The following SRRT variants were observed in gnomAD, a reference collection of about 807,000 sequenced individuals.
The protein encoded by SRRT is serrate, RNA effector molecule.
SRRT carries 32 observed loss-of-function variants against 103.2 expected under a neutral mutation model. The ratio of observed to expected loss-of-function variants is 0.31; its 90% confidence interval spans 0.23 to 0.42. SRRT has a LOEUF of 0.42. SRRT is among the 10% of genes least tolerant of loss of function. SRRT has a pLI of 1.00. For synonymous variants in SRRT, 525 were observed against 449.0 expected, an observed-to-expected ratio of 1.17 and a Z score of -2.14; for missense variants, 986 against 1,207.5, an observed-to-expected ratio of 0.82 and a Z score of 2.72.
intron 2 of SRRT, among the ~76,000 whole-genome samples, chr7:100,878,693 C>T (rs1010670547): frequency 7.6e-6 from 1 of 132,182 alleles, no homozygotes; most frequent in Non-Finnish European, 1.6e-5. Flanking sequence ...AGTATGAGGC[C>T]TGATTTTCTG....
Position 100,886,670 on chromosome 7 carries a change from G to T in SRRT, c.1648-125G>T, listed in dbSNP as rs989775624. On this transcript the variant is annotated intron_variant, in intron 13 of 19. Transcript: ENST00000611405. ...CTAAAATAAAGACAAATCTCAAGGG[G>T]GCAAAAGGTGCCATTTATGTCCGGT... 5.2e-6 allele frequency: 6 copies of T among 1,154,730 alleles called. No homozygotes were observed. The African/African-American group carries it at 9.2e-5, about 18-fold the overall frequency. 71.5% of individuals were successfully genotyped at this position (1,154,730 alleles called of 1,614,324 possible).
rs1306653364 is a variant in SRRT at position 100,884,781 on chromosome 7, G to A, written c.984G>A (p.Ser328=). 9.3e-6 allele frequency: 15 copies of A among 1,614,056 alleles called. No individual in the cohort carries two copies. The highest frequency in any genetic ancestry group is 1.6e-4 in the Middle Eastern group (1 of 6,062). Residue 328 remains serine, a synonymous_variant, in exon 8 of 20, where the codon TCG becomes TCA. Transcript: ENST00000611405. The part of the protein sequence containing the change: ...DSSNDDKTKK[S]EGDGDKEEKK... ...CTAATGATGACAAAACAAAGAAGTCGGAGGGTGATGGGGACAAGGAAGAGA... is the reference window on the plus strand; with the variant it reads ...CTAATGATGACAAAACAAAGAAGTCAGAGGGTGATGGGGACAAGGAAGAGA...
rs376450923 is a variant in SRRT, at chr7:100,887,544, G to A, written c.2169+31G>A. ...GGATGTTGGAGAATGGCCGTGCTAC[G>A]GTGGTGGGAGGTGGGGTTGAGACAG... On this transcript the variant is annotated intron_variant, in intron 16 of 19. Transcript: ENST00000611405. This position sits in a 1 kb window ranked among gnomAD's most constrained non-coding sequence, Gnocchi z 4.1. 8 of 1,606,256 alleles carry A rather than the reference G, an allele frequency of 5.0e-6. No individual in the cohort carries two copies. Among genetic ancestry groups the A allele is most frequent in the South Asian group, 2.2e-5 (2 of 90,182 alleles).
At chr7:100,875,451 A>G in intron 1 of SRRT, 122 bp from the exon 2 acceptor site, 1 of 1,534,952 alleles carries the variant, frequency 6.5e-7, no homozygotes, top group Non-Finnish European at 8.8e-7. Flanking sequence ...CAGGCCTAGG[A>G]TGGTGGGGGC....
At position 100,886,569 on chromosome 7, in the gene SRRT, T is replaced by C; in HGVS notation, c.1647+134T>C. ...GCTCACTCATTTGCCCCTTCGTGTG[T>C]GGGTAGCAGCACCTCCAGATTCCAG... On this transcript the variant is annotated intron_variant, in intron 13 of 19. Coordinates refer to ENST00000611405, the MANE Select transcript of SRRT (RefSeq NM_015908.6). 3 of 1,035,838 alleles carry C rather than the reference T, an allele frequency of 2.9e-6. No individual in the cohort carries two copies. In the South Asian group the frequency reaches 4.8e-5, roughly 16 times the overall value. 64.2% of individuals were successfully genotyped at this position (1,035,838 alleles called of 1,614,324 possible). A position where few individuals can be genotyped will look rare whatever the true frequency, so the allele number is the denominator to read the frequency against.
At position 100,887,931 on chromosome 7, in the gene SRRT, CG is replaced by C. The variant is rs146863726; in HGVS notation, c.2326+73del. The C allele has an allele frequency of 1.0e-3, 1,544 of 1,550,428 alleles. 10 individuals carry two copies. In the South Asian group the frequency reaches 0.012, roughly 12 times the overall value. ...CCCAGGGACTCCTGTTTCTCTTTAA[CG>C]TGTCACCCCGAGAAGTTTCTGCCCC... On this transcript the variant is annotated intron_variant, in intron 17 of 19. Coordinates refer to ENST00000611405, the MANE Select transcript of SRRT (RefSeq NM_015908.6). This position sits in a 1 kb window ranked among gnomAD's most constrained non-coding sequence, Gnocchi z 4.1.
chr7:100,886,077 C>T, intron 12 of SRRT, 136 bp downstream of exon 12: 1 of 1,292,966 alleles, frequency 7.7e-7, no homozygotes, highest in Non-Finnish European at 1.1e-6. Context: ...TACGTTGTCT[C>T]TGGGCAAGGC....
In SRRT at chr7:100,882,437, C is replaced by T. The variant is rs1584744351; in HGVS notation, c.587+196C>T. On this transcript the variant is annotated intron_variant, in intron 5 of 19. Transcript: ENST00000611405. The surrounding 1 kb of genome is among the most constrained non-coding windows in gnomAD (Gnocchi z 4.2). ...TGCCACGGCCCCCGCCCCGCCCTGTCTCCTGTCCTGCTGTCCTCAGAGAGT... is the reference window on the plus strand; with the variant it reads ...TGCCACGGCCCCCGCCCCGCCCTGTTTCCTGTCCTGCTGTCCTCAGAGAGT... 9 of 582,298 alleles carry T rather than the reference C, an allele frequency of 1.5e-5. No homozygotes were observed. The East Asian group carries it at 2.5e-4, about 16-fold the overall frequency. The allele number at this position is 582,298 out of a possible 1,614,324, so 36.1% of individuals were successfully genotyped here.
intron 2 of SRRT, among the ~76,000 whole-genome samples, chr7:100,879,117 G>A (rs540669875): frequency 2.1e-3 from 318 of 152,090 alleles, no homozygotes; most frequent in Non-Finnish European, 4.2e-3. Context: ...CACCACGCCC[G>A]GCTAATTTTT....
rs778413443 is a variant in SRRT, at chr7:100,881,302, G to A, written c.140G>A (p.Arg47His). 5.0e-6 allele frequency: 8 copies of A among 1,611,968 alleles called. No homozygotes were observed. The highest frequency in any genetic ancestry group is 2.2e-5 in the South Asian group (2 of 91,056). The change falls in exon 3 of 20, where the codon CGT (arginine) becomes CAT (histidine). Residue 47 changes from arginine to histidine, a missense_variant. Arg to His is a conservative substitution (Grantham distance 29). Transcript: ENST00000611405. ...ACTGCCAGAGAGTGGGACCGTGGCC[G>A]TGAGCGCCGTAGTCGGGGTGAATAT... ...DWNDREWDRG[R>H]ERRSRGEYRD...
Position 100,885,739 on chromosome 7 carries a change from C to T in SRRT, c.1356C>T (p.Leu452=). Residue 452 remains leucine, a synonymous_variant, in exon 11 of 20, where the codon CTC becomes CTT. Transcript: ENST00000611405. The surrounding 1 kb of genome is among the most constrained non-coding windows in gnomAD (Gnocchi z 4.8). ...KRYPGFMRVA[L]SEPQPERRFF... ...ACCCAGGCTTTATGCGGGTGGCGCTCTCAGAGCCCCAGCCAGAGAGGAGGT... is the reference window on the plus strand; with the variant it reads ...ACCCAGGCTTTATGCGGGTGGCGCTTTCAGAGCCCCAGCCAGAGAGGAGGT... The T allele has an allele frequency of 1.9e-6, 3 of 1,613,990 alleles. No homozygotes were observed. Among genetic ancestry groups the T allele is most frequent in the South Asian group, 1.1e-5 (1 of 91,060 alleles).
rs753143858 is a variant in SRRT, at chr7:100,885,187, TCCTTCCTACCCC to T, written c.1160-18_1160-7del. ...CAATCAGTAATAAAAATGCACCAAC[TCCTTCCTACCCC>T]CCTTCCTGCCTAGAAGAAGCGCTCA... On this transcript the variant is annotated splice_polypyrimidine_tract_variant and intron_variant, in intron 9 of 19. Transcript: ENST00000611405. The surrounding 1 kb of genome is among the most constrained non-coding windows in gnomAD (Gnocchi z 4.8). 5 of 1,608,662 alleles carry T rather than the reference TCCTTCCTACCCC, an allele frequency of 3.1e-6. No individual in the cohort carries two copies. Among genetic ancestry groups the T allele is most frequent in the Non-Finnish European group, 4.2e-6 (5 of 1,176,968 alleles).
At chr7:100,876,266 C>T (rs1448516139) in intron 2 of SRRT, among the ~76,000 whole-genome samples, 1 of 152,212 alleles carries the variant, frequency 6.6e-6, no homozygotes, top group Non-Finnish European at 1.5e-5. Flanking sequence ...ATTCTCCTGC[C>T]TCAGCCTCCC....
At chr7:100,883,932 T>C (rs2115826164) in intron 5 of SRRT, 138 bp from the exon 6 acceptor site, 1 of 955,450 alleles carries the variant, frequency 1.0e-6, no homozygotes, top group South Asian at 1.9e-5. Flanking sequence ...CCCCTATCCC[T>C]TAATCTCTCT....
Position 100,887,287 on chromosome 7 carries a change from GC to G in SRRT, c.1976-31del. ...CACCATCCTTCCTTCTGGCTCCCTTGCCAACCTTCCTTCCTCTGTTCCCAAA... is the reference window on the plus strand; with the variant it reads ...CACCATCCTTCCTTCTGGCTCCCTTGCAACCTTCCTTCCTCTGTTCCCAAA... On this transcript the variant is annotated intron_variant, in intron 15 of 19. Transcript: ENST00000611405. The surrounding 1 kb of genome is among the most constrained non-coding windows in gnomAD (Gnocchi z 4.1). 1 of 1,610,378 alleles carries G rather than the reference GC, an allele frequency of 6.2e-7. No individual in the cohort carries two copies. The highest frequency in any genetic ancestry group is 8.5e-7 in the Non-Finnish European group (1 of 1,177,282).
rs745321205 is a variant in SRRT, at chr7:100,887,883, G to A, written c.2326+24G>A. On this transcript the variant is annotated intron_variant, in intron 17 of 19. Transcript: ENST00000611405. This position sits in a 1 kb window ranked among gnomAD's most constrained non-coding sequence, Gnocchi z 4.1. ...GAGTAAGATACGATCCATGAAGGTC[G>A]CATGTGCCCTCTTCCTTGACTACCC... 13 of 1,587,520 alleles carry A rather than the reference G, an allele frequency of 8.2e-6. No homozygotes were observed. Among genetic ancestry groups the A allele is most frequent in the Middle Eastern group, 1.8e-4 (1 of 5,576 alleles).
intron 5 of SRRT, 51 bp from the exon 6 acceptor site, chr7:100,884,019 C>T (rs1403350348): frequency 6.6e-7 from 1 of 1,521,238 alleles, no homozygotes; most frequent in Non-Finnish European, 8.8e-7. Context: ...CACATCCTGG[C>T]CTTGGCTTCC....
At chr7:100,877,964 C>G (rs1563010986) in intron 2 of SRRT, among the ~76,000 whole-genome samples, 2 of 152,298 alleles carry the variant, frequency 1.3e-5, no homozygotes, top group Non-Finnish European at 2.9e-5. Context: ...CCTGTTACTT[C>G]AGTGTAAGCT....
At chr7:100,886,001 C>G (rs910008228) in intron 12 of SRRT, 60 bp downstream of exon 12, 3 of 1,542,472 alleles carry the variant, frequency 1.9e-6, no homozygotes, top group African/African-American at 2.7e-5. Context: ...CACACGGGAC[C>G]TCTGTGTGAC....
Sources: allele counts gnomAD v4.1 joint callset (sites outside exome capture counted in the v4.1 genomes callset), GRCh38; gene constraint gnomAD v4.1.1; non-coding constraint Gnocchi (gnomAD v3.1); transcripts MANE v1.5; gene names NCBI Gene and HGNC (gene_info 2026-07-23, HGNC 2026-07-21).